The following RSU1 variants were observed in gnomAD, a reference collection of about 807,000 sequenced individuals.
RSU1 encodes the protein rsu-1.
Under a neutral mutation model 31.1 loss-of-function variants are expected in RSU1, and 26 were observed. The observed-to-expected ratio is 0.84, with a 90% CI of 0.61 to 1.16. RSU1 has a LOEUF of 1.16. RSU1 is among the 50% of genes most tolerant of loss of function. RSU1 has a pLI of 0.00. For missense variants in RSU1, 320 were observed against 339.1 expected (o/e 0.94, Z 0.44); for synonymous variants, 164 against 136.3 (o/e 1.20, Z -1.41).
chr10:16,637,282 G>A (rs1041804178), intron 8 of RSU1, among the ~76,000 whole-genome samples: 3 of 152,168 alleles, frequency 2.0e-5, no homozygotes, highest in African/African-American at 7.2e-5. Context: ...ATGCCACTGT[G>A]AGTGTAAACT....
At chr10:16,763,905 T>A (rs1837258278) in intron 4 of RSU1, among the ~76,000 whole-genome samples, 1 of 152,176 alleles carries the variant, frequency 6.6e-6, no homozygotes, top group South Asian at 2.1e-4. Flanking sequence ...CACCTTTGCA[T>A]AAAGAAAGAC....
At chr10:16,726,191 A>G (rs542206336) in intron 7 of RSU1, among the ~76,000 whole-genome samples, 122 of 152,072 alleles carry the variant, frequency 8.0e-4, no homozygotes, top group African/African-American at 2.6e-3. Flanking sequence ...TTACATTTAA[A>G]AATATTATGC....
chr10:16,790,156 G>T (rs1232781506), intron 2 of RSU1, among the ~76,000 whole-genome samples: 1 of 152,136 alleles, frequency 6.6e-6, no homozygotes, highest in South Asian at 2.1e-4. Flanking sequence ...GAACTAGTTG[G>T]TTCAATAATT....
intron 7 of RSU1, among the ~76,000 whole-genome samples, chr10:16,729,443 C>G (rs1313643930): frequency 6.6e-6 from 1 of 152,066 alleles, no homozygotes; most frequent in Non-Finnish European, 1.5e-5. Context: ...GCCCAAGTAC[C>G]TGGCCACTCA....
chr10:16,695,157 T>G lies in RSU1; in HGVS notation c.599-2A>C, dbSNP rs1389796666. The stretch of plus-strand genomic sequence containing the variant: ...TCTGGCCAGTTAAATCCAAGTTTCC[T>G]GGGGGGGGGGAAAAAAAAAGTGAAG... On this transcript the variant is annotated splice_acceptor_variant, in intron 7 of 8. Transcript: ENST00000345264. LOFTEE classifies it high-confidence loss of function. 130 of 1,204,528 alleles carry G rather than the reference T, an allele frequency of 1.1e-4. No homozygotes were observed. Among genetic ancestry groups the G allele is most frequent in the South Asian group, 3.1e-4 (20 of 64,452 alleles). The allele number at this position is 1,204,528 out of a possible 1,614,324, so 74.6% of individuals were successfully genotyped here. A position where few individuals can be genotyped will look rare whatever the true frequency, so the allele number is the denominator to read the frequency against.
chr10:16,651,758 T>C (rs967121750), intron 8 of RSU1, among the ~76,000 whole-genome samples: 1 of 152,226 alleles, frequency 6.6e-6, no homozygotes, highest in African/African-American at 2.4e-5. Flanking sequence ...ATCTCAATAG[T>C]ACTTTAAAAG....
intron 8 of RSU1, among the ~76,000 whole-genome samples, chr10:16,638,426 GGGTTTATGA>G (rs1013865381): frequency 2.6e-5 from 4 of 152,234 alleles, no homozygotes; most frequent in African/African-American, 2.4e-5. Context: ...AAACCCCAGT[GGGTTTATGA>G]GTTCAAAAAA....
chr10:16,765,451 C>T (rs1326636358), intron 3 of RSU1, among the ~76,000 whole-genome samples: 3 of 152,250 alleles, frequency 2.0e-5, no homozygotes, highest in Admixed American at 1.3e-4. Context: ...GCTATGAATA[C>T]TAGTATTCAG....
intron 7 of RSU1, among the ~76,000 whole-genome samples, chr10:16,738,774 G>T (rs544091508): frequency 6.6e-6 from 1 of 152,112 alleles, no homozygotes; most frequent in African/African-American, 2.4e-5. Flanking sequence ...CACGTACCAT[G>T]GTGGTTTGCT....
At chr10:16,638,707 C>T (rs1255837122) in intron 8 of RSU1, among the ~76,000 whole-genome samples, 1 of 152,220 alleles carries the variant, frequency 6.6e-6, no homozygotes, top group Non-Finnish European at 1.5e-5. Context: ...ACACACAGCT[C>T]AATCTCGTCC....
intron 8 of RSU1, among the ~76,000 whole-genome samples, chr10:16,623,278 A>G (rs776470500): frequency 1.6e-4 from 24 of 152,210 alleles, no homozygotes; most frequent in Non-Finnish European, 2.2e-4. Context: ...AGGTGAGAAC[A>G]TGCAGTAATC....
intron 3 of RSU1, among the ~76,000 whole-genome samples, chr10:16,781,382 C>A (rs1230813867): frequency 6.6e-6 from 1 of 152,100 alleles, no homozygotes; most frequent in African/African-American, 2.4e-5. Context: ...GGAAGCCAGA[C>A]TCAAAAATTT....
chr10:16,774,090 G>T (rs1267643756), intron 3 of RSU1, among the ~76,000 whole-genome samples: 6 of 144,284 alleles, frequency 4.2e-5, no homozygotes, highest in Admixed American at 4.1e-4. Flanking sequence ...AATGGGAAAG[G>T]TATTCCGTTA....
intron 8 of RSU1, among the ~76,000 whole-genome samples, chr10:16,645,562 C>T (rs1055756476): frequency 6.6e-6 from 1 of 151,994 alleles, no homozygotes; most frequent in African/African-American, 2.4e-5. Context: ...AATCCCAGCA[C>T]TTTGGGAAGC....
At chr10:16,654,361 C>CAAAAAAAAAAAA (rs536600415) in intron 8 of RSU1, among the ~76,000 whole-genome samples, 7 of 92,282 alleles carry the variant, frequency 7.6e-5, no homozygotes, top group Non-Finnish European at 1.4e-4. Context: ...CCTAAATTTG[C>CAAAAAAAAAAAA]AAAAAAAAAA....
intron 2 of RSU1, among the ~76,000 whole-genome samples, chr10:16,805,298 G>A (rs994780801): frequency 7.9e-5 from 12 of 152,174 alleles, no homozygotes; most frequent in African/African-American, 2.9e-4. Flanking sequence ...TGGGAAACTA[G>A]GAACGGGGGA....
rs145648282 is a variant in RSU1, at chr10:16,780,761, T to G, written c.160+1273A>C. 4.3e-3 allele frequency among the ~76,000 whole-genome samples: 657 copies of G among 152,328 alleles called. 7 individuals carry two copies. Among genetic ancestry groups the G allele is most frequent in the Admixed American group, 8.0e-3 (122 of 15,296 alleles). On this transcript the variant is annotated intron_variant, in intron 3 of 8. Coordinates refer to ENST00000345264, the MANE Select transcript of RSU1 (RefSeq NM_012425.4). ...CCTTCTGAACTGAGAATCTGGTCTCTGTGGACCACGGGACCATTTCCCAGA... is the reference window on the plus strand; with the variant it reads ...CCTTCTGAACTGAGAATCTGGTCTCGGTGGACCACGGGACCATTTCCCAGA...
intron 2 of RSU1, among the ~76,000 whole-genome samples, chr10:16,807,959 C>T (rs1345008067): frequency 2.7e-5 from 4 of 148,818 alleles, no homozygotes; most frequent in African/African-American, 9.9e-5. Flanking sequence ...GGAGGCAGAG[C>T]TTGCAGCGAG....
At chr10:16,681,432 C>G (rs1358598226) in intron 8 of RSU1, among the ~76,000 whole-genome samples, 2 of 152,044 alleles carry the variant, frequency 1.3e-5, no homozygotes, top group African/African-American at 2.4e-5. Flanking sequence ...AAAGGTTGAT[C>G]TGGTAATTTT....
Sources: gnomAD v4.1 joint callset for allele counts (sites outside exome capture counted in the v4.1 genomes callset) on GRCh38, gnomAD v4.1.1 for gene constraint, MANE v1.5 for transcripts, NCBI Gene and HGNC (gene_info 2026-07-23, HGNC 2026-07-21) for gene names.